RPL7L1: variants seen among roughly 807,000 people sequenced by gnomAD.
RPL7L1 encodes the protein ribosomal protein L7 like 1.
Under a neutral mutation model 30.3 loss-of-function variants are expected in RPL7L1, and 20 were observed. That is an observed-to-expected ratio of 0.66 (90% CI 0.46 to 0.96). The LOEUF is 0.96. Ranked by LOEUF, RPL7L1 falls within the 40% of genes least tolerant of loss-of-function variation. The pLI, the probability that RPL7L1 is intolerant of heterozygous loss-of-function variation, is 0.00. For missense variants in RPL7L1, 271 were observed against 314.9 expected (o/e 0.86, Z 1.05); for synonymous variants, 107 against 110.1 (o/e 0.97, Z 0.18).
chr6:42,880,720 T>A (rs1018127233), intron 1 of RPL7L1, 141 bp from the exon 2 acceptor site: 4 of 504,380 alleles, frequency 7.9e-6, no homozygotes, highest in Non-Finnish European at 1.4e-5. Context: ...ACCATGTTGG[T>A]CAGGCTGGTC....
chr6:42,886,667 A>G lies in RPL7L1; in HGVS notation c.*203A>G, dbSNP rs571185291. The G allele has an allele frequency of 1.4e-4, 81 of 568,644 alleles. No individual in the cohort carries two copies. The highest frequency in any genetic ancestry group is 3.6e-4 in the Admixed American group (12 of 32,946). 35.2% of individuals were successfully genotyped at this position (568,644 alleles called of 1,614,324 possible). A position where few individuals can be genotyped will look rare whatever the true frequency, so the allele number is the denominator to read the frequency against. ...TAGGACATGGGGCTATGCATAGCCT[A>G]AGAGTTATAGGCTTAAAGATGTCGA... On this transcript the variant is annotated 3_prime_UTR_variant, in exon 6 of 6. Coordinates refer to ENST00000493763, the MANE Select transcript of RPL7L1 (RefSeq NM_001366481.3).
At chr6:42,886,117 G>A (rs1766256106) in intron 5 of RPL7L1, 34 bp downstream of exon 5, 1 of 1,416,808 alleles carries the variant, frequency 7.1e-7, no homozygotes, top group Admixed American at 1.7e-5. Flanking sequence ...AGCTGGGGCA[G>A]AAAGCCAGGG....
chr6:42,886,743 C>A lies in RPL7L1; in HGVS notation c.*279C>A. ...GGGCGCGGTGGCTCACGCCTGTAATCCCAGCACTTTGGGAGGCCAAGGCGG... is the reference window on the plus strand; with the variant it reads ...GGGCGCGGTGGCTCACGCCTGTAATACCAGCACTTTGGGAGGCCAAGGCGG... On this transcript the variant is annotated 3_prime_UTR_variant, in exon 6 of 6. Coordinates refer to ENST00000493763, the MANE Select transcript of RPL7L1 (RefSeq NM_001366481.3). The A allele has an allele frequency of 3.2e-6, 1 of 317,168 alleles. No homozygotes were observed. The highest frequency in any genetic ancestry group is 3.0e-5 in the South Asian group (1 of 33,672). The allele number at this position is 317,168 out of a possible 1,614,324, so 19.6% of individuals were successfully genotyped here.
chr6:42,881,925 T>G (rs1462120905), intron 2 of RPL7L1: 1 of 152,066 alleles, frequency 6.6e-6, no homozygotes, highest in Non-Finnish European at 1.5e-5. Context: ...CATGCCCTGC[T>G]AATTTTTGTA....
chr6:42,885,957 T>G lies in RPL7L1; in HGVS notation c.450-17T>G. 1 of 1,482,154 alleles carries G rather than the reference T, an allele frequency of 6.7e-7. No homozygotes were observed. The highest frequency in any genetic ancestry group is 9.4e-7 in the Non-Finnish European group (1 of 1,061,422). 91.8% of individuals were successfully genotyped at this position (1,482,154 alleles called of 1,614,324 possible). On this transcript the variant is annotated splice_polypyrimidine_tract_variant and intron_variant, in intron 4 of 5. Coordinates refer to ENST00000493763, the MANE Select transcript of RPL7L1 (RefSeq NM_001366481.3). The stretch of plus-strand genomic sequence containing the variant: ...TGCCAGGTGCTGGTGAAAACCGTGC[T>G]TTATTTTCCTACATAGATTTCCAAA...
At chr6:42,880,804 A>C (rs943679194) in intron 1 of RPL7L1, 57 bp from the exon 2 acceptor site, 5 of 998,262 alleles carry the variant, frequency 5.0e-6, no homozygotes, top group Non-Finnish European at 7.8e-6. Context: ...TGAGCCACCG[A>C]GCCCGGCCAA....
chr6:42,879,989 T>G (rs1766012910), intron 1 of RPL7L1, 38 bp downstream of exon 1: 1 of 1,604,524 alleles, frequency 6.2e-7, no homozygotes, highest in Non-Finnish European at 8.5e-7. Flanking sequence ...GAGTGGGGTC[T>G]TGAGTATCCG....
chr6:42,883,785 G>A, intron 3 of RPL7L1, 171 bp downstream of exon 3: 1 of 437,942 alleles, frequency 2.3e-6, no homozygotes. Flanking sequence ...TAGACAGATA[G>A]GCTTGAAAAT....
At chr6:42,885,938 G>T in intron 4 of RPL7L1, 36 bp from the exon 5 acceptor site, 1 of 1,154,872 alleles carries the variant, frequency 8.7e-7, no homozygotes, top group Non-Finnish European at 1.3e-6. Context: ...AGTGTGCCAG[G>T]TGCTGGTGAA....
At chr6:42,883,366 A>G (rs1451918367) in intron 2 of RPL7L1, 85 bp from the exon 3 acceptor site, 1 of 1,043,940 alleles carries the variant, frequency 9.6e-7, no homozygotes, top group Non-Finnish European at 1.4e-6. Context: ...AATAAGCTAT[A>G]TCAGTTGTCA....
Position 42,885,996 on chromosome 6 carries a change from C to G in RPL7L1, c.472C>G (p.Arg158Gly). ...TWGFPNLKSVRELILKRGQAK... is the reference protein window; with the variant it reads ...TWGFPNLKSVGELILKRGQAK... ...TAGATTTCCAAATCTGAAGTCTGTC[C>G]GAGAACTCATTTTGAAACGTGGACA... The change falls in exon 5 of 6, where the codon CGA (arginine) becomes GGA (glycine). Residue 158 changes from arginine (R) to glycine (G), a missense_variant. Arg to Gly is a moderately radical substitution (Grantham distance 125). Coordinates refer to ENST00000493763, the MANE Select transcript of RPL7L1 (RefSeq NM_001366481.3). 1 of 1,605,092 alleles carries G rather than the reference C, an allele frequency of 6.2e-7. No individual in the cohort carries two copies. The highest frequency in any genetic ancestry group is 1.1e-5 in the South Asian group (1 of 90,836).
chr6:42,885,172 C>T (rs1176738887), intron 4 of RPL7L1, among the ~76,000 whole-genome samples: 1 of 151,968 alleles, frequency 6.6e-6, no homozygotes, highest in Non-Finnish European at 1.5e-5. Flanking sequence ...CATGGTGAAA[C>T]CCCTGTCTCT....
At chr6:42,880,597 C>T (rs1766035714) in intron 1 of RPL7L1, 2 of 338,844 alleles carry the variant, frequency 5.9e-6, no homozygotes, top group Non-Finnish European at 1.1e-5. Flanking sequence ...GGTGCAACCT[C>T]CGCCTCCCGG....
chr6:42,884,515 A>G (rs757651095), intron 3 of RPL7L1, 98 bp from the exon 4 acceptor site: 20 of 1,092,084 alleles, frequency 1.8e-5, no homozygotes, highest in Non-Finnish European at 2.3e-5. Context: ...TCTGTGTCTT[A>G]TTCCAGATTA....
chr6:42,879,796 G>A lies in RPL7L1; in HGVS notation c.-115G>A, dbSNP rs973777410. The A allele has an allele frequency of 3.7e-6, 4 of 1,069,944 alleles. No individual in the cohort carries two copies. The highest frequency in any genetic ancestry group is 5.8e-6 in the Non-Finnish European group (4 of 691,622). The allele number at this position is 1,069,944 out of a possible 1,614,324, so 66.3% of individuals were successfully genotyped here. On this transcript the variant is annotated 5_prime_UTR_variant, in exon 1 of 6. Coordinates refer to ENST00000493763, the MANE Select transcript of RPL7L1 (RefSeq NM_001366481.3). ...GGAATCGGGGTTAGCGGGACCTCAA[G>A]GGCTCACTGCGGCTAAGTGAACGCT...
Position 42,883,618 on chromosome 6 carries a change from A to G in RPL7L1, c.311+4A>G, listed in dbSNP as rs1206178894. The G allele has an allele frequency of 6.3e-7, 1 of 1,584,536 alleles. No homozygotes were observed. The highest frequency in any genetic ancestry group is 8.6e-7 in the Non-Finnish European group (1 of 1,167,700). ...CCTTTGTTGTACGCATCGAAAGGTAAGGAACTGGTGTCTTTCTAATTGCAT... is the reference window on the plus strand; with the variant it reads ...CCTTTGTTGTACGCATCGAAAGGTAGGGAACTGGTGTCTTTCTAATTGCAT... On this transcript the variant is annotated splice_donor_region_variant and intron_variant, in intron 3 of 5. Transcript: ENST00000493763.
Position 42,887,732 on chromosome 6 carries a change from AT to A in RPL7L1, c.*1269del, listed in dbSNP as rs1766326260. ...GGAGGAAGGAGTCCTGCTTTGTTGC[AT>A]GTATCCTAGGGTTTAATGTTGGTAA... On this transcript the variant is annotated 3_prime_UTR_variant, in exon 6 of 6. Transcript: ENST00000493763. 7 of 151,642 alleles carry A rather than the reference AT, an allele frequency of 4.6e-5. No individual in the cohort carries two copies. The highest frequency in any genetic ancestry group is 7.4e-5 in the Non-Finnish European group (5 of 67,838). 9.4% of individuals were successfully genotyped at this position (151,642 alleles called of 1,614,324 possible).
At position 42,880,203 on chromosome 6, in the gene RPL7L1, G is replaced by A. The variant is rs138935479; in HGVS notation, c.41+252G>A. Among the ~76,000 whole-genome samples, 11 of 152,274 alleles carry A rather than the reference G, an allele frequency of 7.2e-5. No individual in the cohort carries two copies. In the East Asian group the frequency reaches 1.4e-3, roughly 19 times the overall value. ...GGAGTGCCACAGTTGAATTCACCCA[G>A]CCCGACAAGTGTTAACTCTGCAGAT... is the stretch of plus-strand genomic sequence containing the variant. On this transcript the variant is annotated intron_variant, in intron 1 of 5. Coordinates refer to ENST00000493763, the MANE Select transcript of RPL7L1 (RefSeq NM_001366481.3).
Position 42,880,902 on chromosome 6 carries a change from A to G in RPL7L1, c.83A>G (p.Lys28Arg), listed in dbSNP as rs1009497598. ...TTGGTTCCAGAAAATCTCCTGAAAA[A>G]GAGGAAGGCTTATCAAGCCCTCAAA... ...IPLVPENLLK[K>R]RKAYQALKAT... The change falls in exon 2 of 6, where the codon AAG becomes AGG. Residue 28 changes from lysine to arginine, a missense_variant. Lys to Arg is a conservative substitution (Grantham distance 26). Transcript: ENST00000493763. 20 of 1,609,878 alleles carry G rather than the reference A, an allele frequency of 1.2e-5. No individual in the cohort carries two copies. The highest frequency in any genetic ancestry group is 1.7e-5 in the Non-Finnish European group (20 of 1,176,532).
Sources: allele counts gnomAD v4.1 joint callset (sites outside exome capture counted in the v4.1 genomes callset), GRCh38; gene constraint gnomAD v4.1.1; transcripts MANE v1.5; gene names NCBI Gene and HGNC (gene_info 2026-07-23, HGNC 2026-07-21).